Variants in LIFR observed in about 807,000 individuals in gnomAD.
The protein encoded by LIFR is LIF receptor subunit alpha, also known as leukemia inhibitory factor receptor.
In LIFR, 84 loss-of-function variants were observed where a neutral mutation model predicts 122.2. The ratio of observed to expected loss-of-function variants is 0.69; its 90% CI spans 0.58 to 0.82. The LOEUF (loss-of-function observed/expected upper bound fraction) is 0.82, where lower values mean the gene tolerates loss of function less well. Ranked by LOEUF, LIFR falls within the 40% of genes least tolerant of loss-of-function variation. The probability of loss-of-function intolerance (pLI) is 0.00; values close to 1 mark genes in which losing one functional copy is unlikely to be tolerated. For missense variants in LIFR, 1,294 were observed against 1,311.6 expected (o/e 0.99, Z 0.21); for synonymous variants, 422 against 434.7 (o/e 0.97, Z 0.36).
intron 5 of LIFR, among the ~76,000 whole-genome samples, chr5:38,513,809 TAAAA>T (rs927219871): frequency 6.6e-6 from 1 of 151,698 alleles, no homozygotes; most frequent in Non-Finnish European, 1.5e-5. Context: ...CCAATTAGAT[TAAAA>T]AAAAATTTTT....
At chr5:38,506,895 A>G (rs1408236478) in intron 7 of LIFR, among the ~76,000 whole-genome samples, 2 of 152,214 alleles carry the variant, frequency 1.3e-5, no homozygotes, top group African/African-American at 2.4e-5. Flanking sequence ...TTGAAATATC[A>G]GTTGTCACTT....
rs930815769 is a variant in LIFR at position 38,478,309 on chromosome 5, G to C, written c.*3286C>G. ...TCTAAATGTAATCTTTCAGATCCACGAGCGGTGAAAGTAATGCTGGTTTGG... is the reference window on the plus strand; with the variant it reads ...TCTAAATGTAATCTTTCAGATCCACCAGCGGTGAAAGTAATGCTGGTTTGG... On this transcript the variant is annotated 3_prime_UTR_variant, in exon 20 of 20. Coordinates refer to ENST00000453190, the MANE Select transcript of LIFR (RefSeq NM_001127671.2). 4.9e-6 allele frequency: 1 copy of C among 204,594 alleles called. No homozygotes were observed. The highest frequency in any genetic ancestry group is 1.0e-5 in the Non-Finnish European group (1 of 99,834). 12.7% of individuals were successfully genotyped at this position (204,594 alleles called of 1,614,324 possible). A position where few individuals can be genotyped will look rare whatever the true frequency, so the allele number is the denominator to read the frequency against.
At chr5:38,508,074 T>C (rs926709777) in intron 7 of LIFR, among the ~76,000 whole-genome samples, 2 of 152,094 alleles carry the variant, frequency 1.3e-5, no homozygotes, top group African/African-American at 4.8e-5. Flanking sequence ...GATATTAAGT[T>C]GAAATATTAA....
intron 1 of LIFR, chr5:38,608,043 G>T (rs921411727): frequency 6.6e-6 from 1 of 152,036 alleles, no homozygotes; most frequent in African/African-American, 2.4e-5. Context: ...ATATATACAC[G>T]TGAGATCATA....
intron 1 of LIFR, among the ~76,000 whole-genome samples, chr5:38,537,740 G>A (rs1317297076): frequency 2.0e-5 from 3 of 150,924 alleles, no homozygotes; most frequent in African/African-American, 4.9e-5. Context: ...CCTTTCATAT[G>A]TTTATTGATA....
At chr5:38,562,687 G>A (rs2112695464) in intron 1 of LIFR, among the ~76,000 whole-genome samples, 1 of 152,346 alleles carries the variant, frequency 6.6e-6, no homozygotes, top group East Asian at 1.9e-4. Flanking sequence ...CCAGCCAGGG[G>A]TGGTGGAGTG....
chr5:38,491,216 T>C (rs1744575353), intron 14 of LIFR, among the ~76,000 whole-genome samples: 1 of 152,214 alleles, frequency 6.6e-6, no homozygotes, highest in African/African-American at 2.4e-5. Context: ...CCAATTGAAG[T>C]ACCTTAACTT....
chr5:38,576,584 G>A (rs1239729096), intron 1 of LIFR, among the ~76,000 whole-genome samples: 30 of 152,294 alleles, frequency 2.0e-4, no homozygotes, highest in Admixed American at 1.8e-3. Context: ...TCATAGAAAC[G>A]TGACACCATC....
chr5:38,596,504 G>A (rs146036326), upstream of LIFR, among the ~76,000 whole-genome samples: 25 of 152,166 alleles, frequency 1.6e-4, no homozygotes, highest in African/African-American at 5.8e-4. Context: ...GGCTTGAGAA[G>A]TTACATTTCT....
In LIFR at chr5:38,530,567, C is replaced by G. The variant is rs1746951136; in HGVS notation, c.81G>C (p.Gln27His). 1 of 1,613,084 alleles carries G rather than the reference C, an allele frequency of 6.2e-7. No individual in the cohort carries two copies. Among genetic ancestry groups the G allele is most frequent in the East Asian group, 2.2e-5 (1 of 44,864 alleles). ...GAAGAATAAATGTTGATAACAGCCACTGGAAATTTGAAGCAGTCCTCATTC... is the reference window on the plus strand; with the variant it reads ...GAAGAATAAATGTTGATAACAGCCAGTGGAAATTTGAAGCAGTCCTCATTC... The part of the protein sequence containing the change: ...NKRMRTASNF[Q>H]WLLSTFILLY... Residue 27 changes from glutamine to histidine, a missense_variant, in exon 2 of 20, where the codon CAG (glutamine) becomes CAC (histidine). Physicochemically the swap from Gln to His is conservative, Grantham distance 24. Transcript: ENST00000453190.
chr5:38,560,518 A>C (rs1289356682), upstream of LIFR, among the ~76,000 whole-genome samples: 1 of 151,902 alleles, frequency 6.6e-6, no homozygotes, highest in Non-Finnish European at 1.5e-5. Flanking sequence ...TCAGGGTGCT[A>C]TGTCAAGTAA....
chr5:38,553,645 T>TAC (rs1322434999), intron 1 of LIFR, among the ~76,000 whole-genome samples: 11 of 94,728 alleles, frequency 1.2e-4, no homozygotes, highest in African/African-American at 3.9e-4. Context: ...TATATATATA[T>TAC]ATATATATAT....
chr5:38,504,415 C>CAAAAAAAAAAAAAAAAAAAAAAAA (rs71604899), intron 9 of LIFR, among the ~76,000 whole-genome samples: 1 of 120,442 alleles, frequency 8.3e-6, no homozygotes, highest in Non-Finnish European at 1.7e-5. Context: ...AGGGAATGAC[C>CAAAAAAAAAAAAAAAAAAAAAAAA]AAAAAAAAAA....
intron 1 of LIFR, among the ~76,000 whole-genome samples, chr5:38,539,178 T>A (rs928641037): frequency 6.6e-6 from 1 of 152,136 alleles, no homozygotes; most frequent in Non-Finnish European, 1.5e-5. Context: ...CTCGATCTCC[T>A]GACCTAGTGA....
chr5:38,557,842 A>G (rs1342904104), upstream of LIFR: 1 of 152,150 alleles, frequency 6.6e-6, no homozygotes, highest in African/African-American at 2.4e-5. Context: ...AACTCCATCC[A>G]TGTGCGTATT....
intron 12 of LIFR, among the ~76,000 whole-genome samples, chr5:38,498,088 C>G (rs1744982530): frequency 6.6e-6 from 1 of 152,148 alleles, no homozygotes; most frequent in Non-Finnish European, 1.5e-5. Context: ...GTATGGGGCT[C>G]TCTGGTCAAG....
chr5:38,601,205 C>A (rs1028127259), intron 2 of LIFR, among the ~76,000 whole-genome samples: 7 of 152,200 alleles, frequency 4.6e-5, no homozygotes, highest in African/African-American at 1.2e-4. Context: ...AGCTTGCTTC[C>A]TCTTTCTGCC....
chr5:38,505,962 C>T lies in LIFR; in HGVS notation c.1234G>A (p.Ala412Thr). ...TGTGATCGACCCAGCGGATTGTGAG[C>T]ATTCAAAGTAAAATTATATATTTCT... is the stretch of plus-strand genomic sequence containing the variant. ...NQEIYNFTLNAHNPLGRSQST... is the reference protein window; with the variant it reads ...NQEIYNFTLNTHNPLGRSQST... The change falls in exon 9 of 20, where the codon GCT (alanine) becomes ACT (threonine). Residue 412 changes from alanine to threonine, a missense_variant. Transcript: ENST00000453190. 6.2e-7 allele frequency: 1 copy of T among 1,610,580 alleles called. No individual in the cohort carries two copies. Among genetic ancestry groups the T allele is most frequent in the Non-Finnish European group, 8.5e-7 (1 of 1,177,982 alleles).
At chr5:38,502,567 C>G in intron 11 of LIFR, 70 bp downstream of exon 11, 2 of 1,370,820 alleles carry the variant, frequency 1.5e-6, no homozygotes, top group Non-Finnish European at 2.1e-6. Context: ...CCAACATCTT[C>G]TTTTTAAAGA....
Sources: gnomAD v4.1 joint callset for allele counts (sites outside exome capture counted in the v4.1 genomes callset) on GRCh38, gnomAD v4.1.1 for gene constraint, MANE v1.5 for transcripts, NCBI Gene and HGNC (gene_info 2026-07-23, HGNC 2026-07-21) for gene names.